Variants in FILIP1L observed in about 807,000 individuals in gnomAD.
FILIP1L encodes filamin A interacting protein 1 like.
FILIP1L carries 55 observed loss-of-function variants against 96.6 expected under a neutral mutation model. The observed-to-expected ratio is 0.57, with a 90% confidence interval of 0.46 to 0.71. The LOEUF (loss-of-function observed/expected upper bound fraction) is 0.71. Among genes scored for constraint, FILIP1L ranks in the 30% least tolerant of loss-of-function variants. FILIP1L has a pLI of 0.00. For missense variants in FILIP1L, 1,304 were observed against 1,321.2 expected (o/e 0.99, Z 0.20); for synonymous variants, 467 against 473.9 (o/e 0.99, Z 0.19).
intron 1 of FILIP1L, among the ~76,000 whole-genome samples, chr3:100,085,686 G>A (rs1037137993): frequency 4.6e-5 from 7 of 152,146 alleles, no homozygotes; most frequent in Admixed American, 4.6e-4. Context: ...AAATGTTTCT[G>A]AAGTACTCTT....
chr3:99,887,121 A>G (rs1271989124), intron 4 of FILIP1L, among the ~76,000 whole-genome samples: 1 of 151,652 alleles, frequency 6.6e-6, no homozygotes, highest in African/African-American at 2.4e-5. Context: ...AAAATACAAA[A>G]TTAGCCGGGC....
At chr3:99,884,631 CA>C (rs1449585048) in intron 4 of FILIP1L, among the ~76,000 whole-genome samples, 2 of 152,178 alleles carry the variant, frequency 1.3e-5, no homozygotes, top group African/African-American at 4.8e-5. Context: ...ACAAAGTGAG[CA>C]TTCTGCAAAC....
At chr3:100,022,611 T>G (rs2064846190) in intron 1 of FILIP1L, among the ~76,000 whole-genome samples, 1 of 152,172 alleles carries the variant, frequency 6.6e-6, no homozygotes, top group Admixed American at 6.6e-5. Flanking sequence ...TGGACATAGA[T>G]GAGGGATACC....
chr3:100,043,749 G>C (rs1227062374), intron 1 of FILIP1L, among the ~76,000 whole-genome samples: 1 of 152,112 alleles, frequency 6.6e-6, no homozygotes, highest in East Asian at 1.9e-4. Context: ...ATACATTATA[G>C]AAAGAATCAA....
intron 1 of FILIP1L, among the ~76,000 whole-genome samples, chr3:99,947,439 A>G (rs1414845918): frequency 6.6e-6 from 1 of 152,138 alleles, no homozygotes; most frequent in African/African-American, 2.4e-5. Flanking sequence ...TATTTAGTTA[A>G]CCACTCTCCA....
intron 5 of FILIP1L, among the ~76,000 whole-genome samples, chr3:99,834,863 A>C (rs1216777597): frequency 3.9e-5 from 6 of 151,976 alleles, no homozygotes; most frequent in African/African-American, 1.5e-4. Flanking sequence ...ACCCATGTAA[A>C]CCTCAGTTTC....
intron 4 of FILIP1L, among the ~76,000 whole-genome samples, chr3:99,907,060 A>C (rs1706640685): frequency 6.6e-6 from 1 of 152,196 alleles, no homozygotes; most frequent in Admixed American, 6.5e-5. Context: ...AACCTAAATA[A>C]ACATATTTTT....
At chr3:99,985,422 G>A (rs1184620719) in intron 1 of FILIP1L, among the ~76,000 whole-genome samples, 2 of 151,986 alleles carry the variant, frequency 1.3e-5, no homozygotes, top group Non-Finnish European at 2.9e-5. Context: ...GTACTGGGGA[G>A]GTTGAGGTGG....
intron 1 of FILIP1L, chr3:100,075,560 T>C (rs2065836683): frequency 6.6e-6 from 1 of 151,630 alleles, no homozygotes; most frequent in East Asian, 1.9e-4. Context: ...TTCTCTTTTC[T>C]TTTTCTTTTT....
intron 1 of FILIP1L, among the ~76,000 whole-genome samples, chr3:100,097,194 G>T (rs1424541739): frequency 6.6e-6 from 1 of 152,190 alleles, no homozygotes; most frequent in Non-Finnish European, 1.5e-5. Context: ...TTATGAGAAA[G>T]ACTAATTCCA....
chr3:100,023,793 A>G (rs2064869640), intron 1 of FILIP1L, among the ~76,000 whole-genome samples: 1 of 152,150 alleles, frequency 6.6e-6, no homozygotes, highest in Non-Finnish European at 1.5e-5. Context: ...TGCATGTCTT[A>G]CTCTCAGGAA....
chr3:99,829,766 G>A lies in FILIP1L; in HGVS notation c.*648C>T, dbSNP rs1216867492. On this transcript the variant is annotated 3_prime_UTR_variant, in exon 6 of 6. Transcript: ENST00000477258. ...TCATGTCTCCCTAAAATATCTCAAT[G>A]TTACTGAGACTAAGTGCCAGTGGTC... 6.6e-6 allele frequency among the ~76,000 whole-genome samples: 1 copy of A among 152,180 alleles called. No individual in the cohort carries two copies. The highest frequency in any genetic ancestry group is 1.5e-5 in the Non-Finnish European group (1 of 68,032).
chr3:99,856,854 C>T (rs1238085533), intron 4 of FILIP1L, among the ~76,000 whole-genome samples: 1 of 152,164 alleles, frequency 6.6e-6, no homozygotes, highest in African/African-American at 2.4e-5. Flanking sequence ...AGTAATAATG[C>T]ATCATATAAT....
At chr3:99,966,240 C>T (rs1240152268) in intron 1 of FILIP1L, among the ~76,000 whole-genome samples, 1 of 152,268 alleles carries the variant, frequency 6.6e-6, no homozygotes, top group East Asian at 1.9e-4. Context: ...AGAGGCTGGG[C>T]ATGGGAGCTT....
intron 4 of FILIP1L, among the ~76,000 whole-genome samples, chr3:99,883,799 A>C (rs1705807553): frequency 6.6e-6 from 1 of 152,234 alleles, no homozygotes; most frequent in South Asian, 2.1e-4. Flanking sequence ...AATAGTAACA[A>C]CTTTAATCCA....
At chr3:99,904,806 TC>T (rs1417189559) in intron 4 of FILIP1L, among the ~76,000 whole-genome samples, 1 of 152,152 alleles carries the variant, frequency 6.6e-6, no homozygotes, top group African/African-American at 2.4e-5. Context: ...AGTTGGCTTT[TC>T]CCCCTAATTT....
intron 1 of FILIP1L, among the ~76,000 whole-genome samples, chr3:100,061,250 C>T (rs949103489): frequency 6.6e-6 from 1 of 152,202 alleles, no homozygotes; most frequent in Non-Finnish European, 1.5e-5. Flanking sequence ...CCTCTGTACA[C>T]ACTGAGTATG....
intron 5 of FILIP1L, among the ~76,000 whole-genome samples, chr3:99,842,393 C>T (rs965857978): frequency 1.3e-5 from 2 of 151,694 alleles, no homozygotes; most frequent in African/African-American, 2.4e-5. Flanking sequence ...GTACACTGCT[C>T]GAGTGATGGT....
At chr3:99,877,445 T>C (rs1705573005) in intron 4 of FILIP1L, among the ~76,000 whole-genome samples, 1 of 152,186 alleles carries the variant, frequency 6.6e-6, no homozygotes, top group African/African-American at 2.4e-5. Context: ...ACATTAAATG[T>C]ATGTCCTCTT....
Sources: gnomAD v4.1 joint callset for allele counts (sites outside exome capture counted in the v4.1 genomes callset) on GRCh38, gnomAD v4.1.1 for gene constraint, MANE v1.5 for transcripts, NCBI Gene and HGNC (gene_info 2026-07-23, HGNC 2026-07-21) for gene names.